Variants in ADGRB3 observed in about 807,000 individuals in gnomAD.
The protein encoded by ADGRB3 is adhesion G protein-coupled receptor B3.
In ADGRB3, 37 loss-of-function variants were observed where a neutral mutation model predicts 193.4. That is an observed-to-expected ratio of 0.19 (90% CI 0.15 to 0.25). The LOEUF (loss-of-function observed/expected upper bound fraction) is 0.25. ADGRB3 is among the 10% of genes least tolerant of loss of function. The probability of loss-of-function intolerance (pLI) is 1.00; values close to 1 mark genes in which losing one functional copy is unlikely to be tolerated. For missense variants in ADGRB3, 1,637 were observed against 1,852.9 expected (o/e 0.88, Z 2.14); for synonymous variants, 690 against 644.2 (o/e 1.07, Z -1.08).
At chr6:69,382,774 T>C in intron 30 of ADGRB3, 57 bp from the exon 31 acceptor site, 1 of 1,296,392 alleles carries the variant, frequency 7.7e-7, no homozygotes, top group Non-Finnish European at 1.1e-6. Context: ...TAAATCTCTC[T>C]TGTTTGAAAA....
At chr6:69,362,596 A>G (rs1316656753) in intron 29 of ADGRB3, among the ~76,000 whole-genome samples, 1 of 151,978 alleles carries the variant, frequency 6.6e-6, no homozygotes, top group East Asian at 1.9e-4. Context: ...ATGTGAATAG[A>G]ATCTAAGATA....
At chr6:68,769,742 A>G (rs1262989971) in intron 3 of ADGRB3, among the ~76,000 whole-genome samples, 1 of 152,182 alleles carries the variant, frequency 6.6e-6, no homozygotes, top group Non-Finnish European at 1.5e-5. Flanking sequence ...TCTTTAAGTT[A>G]AAAGTTTTAA....
At chr6:69,016,924 A>T (rs565913468) in intron 12 of ADGRB3, among the ~76,000 whole-genome samples, 83 of 152,014 alleles carry the variant, frequency 5.5e-4, no homozygotes, top group African/African-American at 1.8e-3. Context: ...TCATATACAT[A>T]TGCACCTACA....
intron 3 of ADGRB3, among the ~76,000 whole-genome samples, chr6:68,783,024 T>C (rs1270478896): frequency 6.6e-6 from 1 of 151,998 alleles, no homozygotes; most frequent in African/African-American, 2.4e-5. Context: ...ACTGCCATTA[T>C]TGCCGCTGCT....
intron 3 of ADGRB3, among the ~76,000 whole-genome samples, chr6:68,778,686 C>A (rs1275783787): frequency 6.6e-6 from 1 of 152,100 alleles, no homozygotes; most frequent in Non-Finnish European, 1.5e-5. Flanking sequence ...TCTCACTGAG[C>A]CAACCTGCGT....
chr6:68,656,257 G>A (rs189069504), intron 3 of ADGRB3, among the ~76,000 whole-genome samples: 7 of 151,532 alleles, frequency 4.6e-5, no homozygotes, highest in East Asian at 1.9e-4. Flanking sequence ...GAAATGTGAC[G>A]TTAGACTTTT....
intron 17 of ADGRB3, among the ~76,000 whole-genome samples, chr6:69,173,638 C>T (rs1486864668): frequency 6.6e-6 from 1 of 151,530 alleles, no homozygotes; most frequent in Non-Finnish European, 1.5e-5. Flanking sequence ...AGTCAATTAA[C>T]CTTGTAGCAT....
At chr6:68,959,171 G>A (rs9454659) in intron 8 of ADGRB3, among the ~76,000 whole-genome samples, 45,421 of 151,848 alleles carry the variant, frequency 0.3, 7,285 homozygotes, top group Middle Eastern at 0.43. Flanking sequence ...ATATACTGGA[G>A]TTCCAACTCT....
intron 31 of ADGRB3, among the ~76,000 whole-genome samples, chr6:69,386,006 G>T (rs1274293176): frequency 6.6e-6 from 1 of 151,990 alleles, no homozygotes; most frequent in African/African-American, 2.4e-5. Context: ...AGAAGCCTCT[G>T]ACCTAAAGGG....
At chr6:68,827,700 C>A (rs1164274716) in intron 3 of ADGRB3, among the ~76,000 whole-genome samples, 2 of 151,742 alleles carry the variant, frequency 1.3e-5, no homozygotes, top group Non-Finnish European at 2.9e-5. Context: ...GTGGTTTGGG[C>A]TTTTAGGGGT....
At chr6:68,996,932 G>A (rs1769401520) in intron 11 of ADGRB3, among the ~76,000 whole-genome samples, 1 of 151,982 alleles carries the variant, frequency 6.6e-6, no homozygotes, top group Non-Finnish European at 1.5e-5. Context: ...TAATCACAGA[G>A]GTATCCATGA....
intron 3 of ADGRB3, among the ~76,000 whole-genome samples, chr6:68,741,915 C>A (rs1402703681): frequency 3.3e-5 from 5 of 152,216 alleles, no homozygotes; most frequent in Admixed American, 1.3e-4. Context: ...TTATCATTCA[C>A]GAGTTCACAT....
At chr6:69,354,766 T>C (rs1248677859) in intron 27 of ADGRB3, among the ~76,000 whole-genome samples, 1 of 152,186 alleles carries the variant, frequency 6.6e-6, no homozygotes, top group Non-Finnish European at 1.5e-5. Context: ...GACCTAGGTA[T>C]TGGTGATTCC....
Position 68,904,145 on chromosome 6 carries a change from G to A in ADGRB3, c.758-26414G>A, listed in dbSNP as rs1460444350. 6.1e-5 allele frequency among the ~76,000 whole-genome samples: 9 copies of A among 146,964 alleles called. 1 individual carries two copies. Among genetic ancestry groups the A allele is most frequent in the Admixed American group, 5.5e-4 (8 of 14,676 alleles). ...AGGGAGGAAGGAAGGAAGGAAGGGT[G>A]AAAGGGAGGTATTTGGGCATGAAAA... is the stretch of plus-strand genomic sequence containing the variant. On this transcript the variant is annotated intron_variant, in intron 3 of 31. Transcript: ENST00000370598.
intron 17 of ADGRB3, among the ~76,000 whole-genome samples, chr6:69,192,329 C>T (rs892179809): frequency 6.6e-6 from 1 of 152,150 alleles, no homozygotes; most frequent in Non-Finnish European, 1.5e-5. Flanking sequence ...AAGATGCAGG[C>T]TGGGAGACTA....
chr6:68,676,588 T>C (rs2127296253), intron 3 of ADGRB3, among the ~76,000 whole-genome samples: 1 of 152,244 alleles, frequency 6.6e-6, no homozygotes, highest in South Asian at 2.1e-4. Flanking sequence ...ATGTTGTGAA[T>C]CTCTTTCAAA....
At chr6:68,938,036 G>T (rs1205611268) in intron 5 of ADGRB3, among the ~76,000 whole-genome samples, 5 of 151,990 alleles carry the variant, frequency 3.3e-5, no homozygotes, top group Non-Finnish European at 7.4e-5. Context: ...GAATAGAATT[G>T]GGAGGTTAAC....
chr6:69,008,316 A>C (rs1020314647), intron 11 of ADGRB3, among the ~76,000 whole-genome samples: 4 of 152,150 alleles, frequency 2.6e-5, no homozygotes, highest in African/African-American at 7.2e-5. Context: ...AGAACAGCCA[A>C]ATATAGAGAA....
intron 13 of ADGRB3, among the ~76,000 whole-genome samples, chr6:69,022,884 T>G (rs1770313484): frequency 6.6e-6 from 1 of 152,084 alleles, no homozygotes; most frequent in Admixed American, 6.5e-5. Context: ...GGGACTATAT[T>G]GTTCTAACGA....
Sources: allele counts gnomAD v4.1 joint callset (sites outside exome capture counted in the v4.1 genomes callset), GRCh38; gene constraint gnomAD v4.1.1; transcripts MANE v1.5; gene names NCBI Gene and HGNC (gene_info 2026-07-23, HGNC 2026-07-21).